PTGER3: variants seen among roughly 807,000 people sequenced by gnomAD.
PTGER3 encodes the protein prostaglandin E receptor 3.
Under a neutral mutation model 34.7 loss-of-function variants are expected in PTGER3, and 22 were observed. The ratio of observed to expected loss-of-function variants is 0.63; its 90% CI spans 0.45 to 0.91. The LOEUF (loss-of-function observed/expected upper bound fraction) is 0.91, where lower values mean the gene tolerates loss of function less well. Among genes scored for constraint, PTGER3 ranks in the 40% least tolerant of loss-of-function variants. PTGER3 has a pLI of 0.00. For missense variants in PTGER3, 468 were observed against 519.4 expected, an observed-to-expected ratio of 0.90 and a Z score of 0.96; for synonymous variants, 241 against 230.1, an observed-to-expected ratio of 1.05 and a Z score of -0.43.
chr1:70,911,538 TTTAAA>T (rs145575157), intron 4 of PTGER3, among the ~76,000 whole-genome samples: 1 of 152,216 alleles, frequency 6.6e-6, no homozygotes, highest in African/African-American at 2.4e-5. Flanking sequence ...AGTATTAACC[TTTAAA>T]TTAAAAGTAC....
chr1:70,990,936 T>G (rs767518461), intron 2 of PTGER3, among the ~76,000 whole-genome samples: 57 of 152,212 alleles, frequency 3.7e-4, no homozygotes, highest in Non-Finnish European at 7.3e-4. Flanking sequence ...AAGGTAACAT[T>G]TAATTTCTTG....
intron 2 of PTGER3, 99 bp downstream of exon 2, chr1:71,012,206 T>C: frequency 6.2e-7 from 1 of 1,606,290 alleles, no homozygotes; most frequent in Non-Finnish European, 8.5e-7. Context: ...GCAAGTTAAG[T>C]GTTTTCTTTC....
At position 71,047,556 on chromosome 1, in the gene PTGER3, C is replaced by G; in HGVS notation, c.22G>C (p.Gly8Arg). Residue 8 changes from glycine to arginine, a missense_variant, in exon 1 of 4, where the codon GGA (glycine) becomes CGA (arginine). By Grantham distance (125) the Gly-to-Arg change is moderately radical. Transcript: ENST00000306666. MKETRGY[G>R]GDAPFCTRLN... is the part of the protein sequence containing the mutation. ...CGGGTGCAGAAGGGGGCATCCCCTC[C>G]GTAGCCCCGGGTCTCCTTCATGTTG... 1 of 1,559,552 alleles carries G rather than the reference C, an allele frequency of 6.4e-7. No homozygotes were observed. The highest frequency in any genetic ancestry group is 1.2e-5 in the South Asian group (1 of 85,468).
At position 70,896,201 on chromosome 1, in the gene PTGER3, T is replaced by G. The variant is rs184949665; in HGVS notation, c.*24-43342A>C. Among the ~76,000 whole-genome samples, 16 of 152,356 alleles carry G rather than the reference T, an allele frequency of 1.1e-4. No individual in the cohort carries two copies. In the East Asian group the frequency reaches 3.1e-3, roughly 29 times the overall value. The stretch of plus-strand genomic sequence containing the variant: ...TAACTTGTGTCCCCACAACAGATAT[T>G]GAAGTCCTAATCCGTAGTATCTATG... On this transcript the variant is annotated intron_variant, in intron 4 of 4. Coordinates refer to the PTGER3 transcript ENST00000370931.
At chr1:70,889,603 AAAAAT>A (rs1313451635) in intron 4 of PTGER3, among the ~76,000 whole-genome samples, 1 of 152,182 alleles carries the variant, frequency 6.6e-6, no homozygotes, top group African/African-American at 2.4e-5. Context: ...TGACCAAAAG[AAAAAT>A]AAAATAAGAA....
chr1:71,028,479 A>G (rs1039886633), intron 1 of PTGER3, among the ~76,000 whole-genome samples: 1 of 152,186 alleles, frequency 6.6e-6, no homozygotes, highest in East Asian at 1.9e-4. Flanking sequence ...AAACCACTAC[A>G]TTACATCATC....
At chr1:70,926,312 G>A (rs1255426604) in intron 4 of PTGER3, among the ~76,000 whole-genome samples, 1 of 152,192 alleles carries the variant, frequency 6.6e-6, no homozygotes, top group Non-Finnish European at 1.5e-5. Context: ...CTACCCATGA[G>A]CATGGAATGT....
At chr1:71,007,925 T>A (rs1408866467) in intron 2 of PTGER3, 2 of 985,340 alleles carry the variant, frequency 2.0e-6, no homozygotes, top group Non-Finnish European at 2.4e-6. Context: ...AAAGGCTGAC[T>A]TGTTTCTGAT....
In PTGER3 at chr1:71,022,989, C is replaced by A. The variant is rs75414097; in HGVS notation, c.898-10505G>T. On this transcript the variant is annotated intron_variant, in intron 1 of 3. Coordinates refer to ENST00000306666, the MANE Select transcript of PTGER3 (RefSeq NM_198719.2). The stretch of plus-strand genomic sequence containing the variant: ...TAACTTCTCCCACTTTTGGCAGTTT[C>A]CCAGTCACATTTTAACATGTCCAAA... Among the ~76,000 whole-genome samples, 1,258 of 151,920 alleles carry A rather than the reference C, an allele frequency of 8.3e-3. 59 individuals carry two copies. Among genetic ancestry groups the A allele is most frequent in the African/African-American group, 0.029 (1,190 of 41,232 alleles).
chr1:70,954,715 A>G (rs1036621202), intron 2 of PTGER3, among the ~76,000 whole-genome samples: 4 of 152,134 alleles, frequency 2.6e-5, no homozygotes, highest in Non-Finnish European at 5.9e-5. Flanking sequence ...AGTAAATTCA[A>G]TAGGGTCTCT....
chr1:70,875,255 G>C (rs1646249430), intron 4 of PTGER3, among the ~76,000 whole-genome samples: 2 of 152,156 alleles, frequency 1.3e-5, no homozygotes, highest in South Asian at 2.1e-4. Context: ...TCTGAAGGGT[G>C]TGATCAACCT....
At chr1:71,010,021 C>A in intron 2 of PTGER3, 2 of 985,010 alleles carry the variant, frequency 2.0e-6, no homozygotes, top group Non-Finnish European at 1.2e-6. Flanking sequence ...TCTTTGTTTT[C>A]CACCTCCCTT....
intron 4 of PTGER3, chr1:70,884,113 T>A (rs1228573096): frequency 5.2e-6 from 2 of 388,156 alleles, no homozygotes; most frequent in African/African-American, 2.2e-5. Flanking sequence ...CAAAAAAGGA[T>A]CAGAACACAA....
intron 2 of PTGER3, among the ~76,000 whole-genome samples, chr1:70,989,792 G>A (rs1655260975): frequency 6.6e-6 from 1 of 152,038 alleles, no homozygotes; most frequent in South Asian, 2.1e-4. Flanking sequence ...GATAGTATTG[G>A]CCAGTTATCA....
intron 4 of PTGER3, among the ~76,000 whole-genome samples, chr1:70,890,343 G>A (rs1056027275): frequency 2.6e-5 from 4 of 152,064 alleles, no homozygotes; most frequent in Admixed American, 1.3e-4. Context: ...ATAGAATTAA[G>A]TGATCCTCTT....
chr1:71,047,605 C>CT lies in PTGER3; in HGVS notation c.-29_-28insA. 1 of 1,490,462 alleles carries CT rather than the reference C, an allele frequency of 6.7e-7. No individual in the cohort carries two copies. The highest frequency in any genetic ancestry group is 9.0e-7 in the Non-Finnish European group (1 of 1,115,330). 92.3% of individuals were successfully genotyped at this position (1,490,462 alleles called of 1,614,324 possible). A position where few individuals can be genotyped will look rare whatever the true frequency, so the allele number is the denominator to read the frequency against. On this transcript the variant is annotated 5_prime_UTR_variant, in exon 1 of 4. Transcript: ENST00000306666. ...TGGCTTCGAGGTGAGGAGGGGATGGCGTCCAGAGAGCCGCAGCGGGAGGGG... is the reference window on the plus strand; with the variant it reads ...TGGCTTCGAGGTGAGGAGGGGATGGCTGTCCAGAGAGCCGCAGCGGGAGGGG...
intron 2 of PTGER3, chr1:71,002,081 C>A (rs1017645969): frequency 2.0e-5 from 3 of 151,878 alleles, no homozygotes; most frequent in South Asian, 2.1e-4. Flanking sequence ...CACAGTGAGA[C>A]CTGTTTCTAA....
At chr1:70,983,108 G>A (rs1171747519) in intron 2 of PTGER3, among the ~76,000 whole-genome samples, 2 of 152,034 alleles carry the variant, frequency 1.3e-5, no homozygotes, top group African/African-American at 4.8e-5. Flanking sequence ...CAGCCACCTA[G>A]AGAAACAGAT....
Position 70,974,446 on chromosome 1 carries a change from A to C in PTGER3, c.1078-58T>G. 3.9e-6 allele frequency: 3 copies of C among 774,230 alleles called. No individual in the cohort carries two copies. The South Asian group carries it at 4.2e-5, about 11-fold the overall frequency. 48.0% of individuals were successfully genotyped at this position (774,230 alleles called of 1,614,324 possible). A position where few individuals can be genotyped will look rare whatever the true frequency, so the allele number is the denominator to read the frequency against. On this transcript the variant is annotated intron_variant, in intron 2 of 3. Coordinates refer to ENST00000306666, the MANE Select transcript of PTGER3 (RefSeq NM_198719.2). ...TCCTTGAGTATTTTTAAAGAAAAGC[A>C]AAACCAAAACCTGCATATCAAAGTC...
Sources: gnomAD v4.1 joint callset for allele counts (sites outside exome capture counted in the v4.1 genomes callset) on GRCh38, gnomAD v4.1.1 for gene constraint, MANE v1.5 for transcripts, NCBI Gene and HGNC (gene_info 2026-07-23, HGNC 2026-07-21) for gene names.